The following PDZRN3 variants were observed in gnomAD, a reference collection of about 807,000 sequenced individuals.
PDZRN3 encodes the protein PDZ domain containing ring finger 3.
In PDZRN3, 38 loss-of-function variants were observed where a neutral mutation model predicts 85.7. The ratio of observed to expected loss-of-function variants is 0.44; its 90% CI spans 0.34 to 0.58. The LOEUF is 0.58. PDZRN3 is among the 20% of genes least tolerant of loss of function. The pLI, the probability that PDZRN3 is intolerant of heterozygous loss-of-function variation, is 0.01. For synonymous variants in PDZRN3, 759 were observed against 638.0 expected (o/e 1.19, Z -2.86); for missense variants, 1,629 against 1,506.4 (o/e 1.08, Z -1.35).
chr3:73,579,940 C>T (rs1490976332), intron 3 of PDZRN3, among the ~76,000 whole-genome samples: 4 of 152,090 alleles, frequency 2.6e-5, no homozygotes, highest in Non-Finnish European at 5.9e-5. Flanking sequence ...CTCACCGAAG[C>T]AGCAATGATT....
chr3:73,582,800 C>T (rs1241519435), intron 3 of PDZRN3, among the ~76,000 whole-genome samples: 5 of 152,086 alleles, frequency 3.3e-5, no homozygotes, highest in Admixed American at 1.3e-4. Flanking sequence ...TGTATTATTG[C>T]AGTGTTGTGG....
At chr3:73,493,587 C>G (rs533137211) in intron 3 of PDZRN3, among the ~76,000 whole-genome samples, 1 of 152,274 alleles carries the variant, frequency 6.6e-6, no homozygotes, top group East Asian at 1.9e-4. Flanking sequence ...ATGTGCACCT[C>G]TTGTTTCTGC....
intron 3 of PDZRN3, among the ~76,000 whole-genome samples, chr3:73,560,870 G>A (rs1701801947): frequency 6.6e-6 from 1 of 152,180 alleles, no homozygotes; most frequent in Non-Finnish European, 1.5e-5. Flanking sequence ...AATGAGTCAC[G>A]GCTCGTGCAC....
chr3:73,398,329 G>A (rs1342359715), intron 5 of PDZRN3, among the ~76,000 whole-genome samples: 2 of 152,178 alleles, frequency 1.3e-5, no homozygotes, highest in African/African-American at 2.4e-5. Flanking sequence ...CAAAAGCCTC[G>A]CTGGTGTGAC....
intron 3 of PDZRN3, among the ~76,000 whole-genome samples, chr3:73,473,756 C>T (rs1703395107): frequency 6.6e-6 from 1 of 152,160 alleles, no homozygotes; most frequent in South Asian, 2.1e-4. Flanking sequence ...GGAACTGAGG[C>T]CTCTTGCCAA....
chr3:73,538,718 T>A (rs1437503634), intron 3 of PDZRN3, among the ~76,000 whole-genome samples: 1 of 152,218 alleles, frequency 6.6e-6, no homozygotes, highest in Non-Finnish European at 1.5e-5. Context: ...TCCATTTTTC[T>A]CCTGCATAGA....
At chr3:73,476,646 T>C (rs1167586339) in intron 3 of PDZRN3, among the ~76,000 whole-genome samples, 1 of 152,208 alleles carries the variant, frequency 6.6e-6, no homozygotes, top group Non-Finnish European at 1.5e-5. Flanking sequence ...TCTTCCATTT[T>C]TTGCTTGTTC....
chr3:73,567,118 G>C (rs1196194698), intron 3 of PDZRN3, among the ~76,000 whole-genome samples: 2 of 152,248 alleles, frequency 1.3e-5, no homozygotes, highest in East Asian at 3.9e-4. Flanking sequence ...CCCTCAAAAA[G>C]TCATCCAGAA....
intron 3 of PDZRN3, among the ~76,000 whole-genome samples, chr3:73,554,875 T>TGTTCTA (rs1428136425): frequency 6.6e-6 from 1 of 152,244 alleles, no homozygotes; most frequent in Non-Finnish European, 1.5e-5. Flanking sequence ...AGAACAATTC[T>TGTTCTA]GTTCTAGGTG....
intron 3 of PDZRN3, among the ~76,000 whole-genome samples, chr3:73,494,655 C>T (rs1028045561): frequency 3.3e-5 from 5 of 152,102 alleles, no homozygotes; most frequent in Non-Finnish European, 5.9e-5. Context: ...GCTGTTGGTT[C>T]TGGATATAAT....
In PDZRN3 at chr3:73,384,012, T is replaced by C. The variant is rs139582918; in HGVS notation, c.2554A>G (p.Ser852Gly). ...AGGTAGGCGCTGCCCAGCTTCTGGC[T>C]GGGCGTGGGGCTCCGGCTCCCGTCG... ...ASDGSRSPTP[S>G]QKLGSAYLPS... Residue 852 changes from serine (S) to glycine (G), a missense_variant, in exon 10 of 10, where the codon AGC becomes GGC. Ser to Gly is a moderately conservative substitution (Grantham distance 56). Transcript: ENST00000263666. 7.5e-6 allele frequency: 12 copies of C among 1,590,274 alleles called. No individual in the cohort carries two copies. In the African/African-American group the frequency reaches 1.3e-4, roughly 18 times the overall value.
intron 7 of PDZRN3, among the ~76,000 whole-genome samples, chr3:73,388,944 A>AAAG (rs1366936302): frequency 1.3e-5 from 2 of 150,226 alleles, no homozygotes; most frequent in African/African-American, 2.4e-5. Flanking sequence ...AAAAAAAAAA[A>AAAG]AAAAAAAAAA....
At chr3:73,569,680 G>A (rs1471959689) in intron 3 of PDZRN3, among the ~76,000 whole-genome samples, 1 of 152,170 alleles carries the variant, frequency 6.6e-6, no homozygotes, top group Non-Finnish European at 1.5e-5. Flanking sequence ...CTAGTGCTTA[G>A]CACAGTGCCT....
At chr3:73,452,810 T>C (rs1315973557) in intron 3 of PDZRN3, among the ~76,000 whole-genome samples, 2 of 150,110 alleles carry the variant, frequency 1.3e-5, no homozygotes, top group African/African-American at 4.9e-5. Context: ...AGGCAACGAC[T>C]AGTGCCAATT....
intron 3 of PDZRN3, among the ~76,000 whole-genome samples, chr3:73,479,854 TA>T (rs1421932210): frequency 6.6e-5 from 10 of 152,104 alleles, no homozygotes; most frequent in African/African-American, 2.2e-4. Context: ...TATTATTTTG[TA>T]AAACTAAACA....
At chr3:73,576,756 A>T (rs1227875257) in intron 3 of PDZRN3, among the ~76,000 whole-genome samples, 1 of 152,220 alleles carries the variant, frequency 6.6e-6, no homozygotes, top group Non-Finnish European at 1.5e-5. Flanking sequence ...TGTGCTAAAA[A>T]AGTGGGACTT....
chr3:73,411,540 C>T (rs972892836), intron 3 of PDZRN3, among the ~76,000 whole-genome samples: 6 of 152,154 alleles, frequency 3.9e-5, no homozygotes, highest in Non-Finnish European at 5.9e-5. Flanking sequence ...CTCTAAATCA[C>T]GCAGAAGTGC....
At chr3:73,464,009 A>G (rs1365840629) in intron 3 of PDZRN3, among the ~76,000 whole-genome samples, 2 of 152,150 alleles carry the variant, frequency 1.3e-5, no homozygotes, top group Non-Finnish European at 2.9e-5. Flanking sequence ...ATTTTGAGAC[A>G]GAGTCTTACA....
At position 73,404,405 on chromosome 3, in the gene PDZRN3, A is replaced by G. The variant is rs753598332; in HGVS notation, c.919-10T>C. 2.5e-6 allele frequency: 4 copies of G among 1,608,888 alleles called. No homozygotes were observed. The highest frequency in any genetic ancestry group is 2.2e-5 in the South Asian group (2 of 90,398). On this transcript the variant is annotated splice_polypyrimidine_tract_variant and intron_variant, in intron 3 of 9. Coordinates refer to ENST00000263666, the MANE Select transcript of PDZRN3 (RefSeq NM_015009.3). ...AGTCTCTGCCGTTGACCTGTGGAAA[A>G]ATATTTAGGGTGGGACAAGGTTAGA...
Sources: gnomAD v4.1 joint callset for allele counts (sites outside exome capture counted in the v4.1 genomes callset) on GRCh38, gnomAD v4.1.1 for gene constraint, MANE v1.5 for transcripts, NCBI Gene and HGNC (gene_info 2026-07-23, HGNC 2026-07-21) for gene names.